PLEKHN1: variants seen among roughly 807,000 people sequenced by gnomAD.
PLEKHN1 encodes pleckstrin homology domain-containing family N member 1.
In PLEKHN1, 68 loss-of-function variants were observed where a neutral mutation model predicts 72.8. That is an observed-to-expected ratio of 0.93 (90% CI 0.77 to 1.14). The LOEUF (loss-of-function observed/expected upper bound fraction) is 1.14, where lower values mean the gene tolerates loss of function less well. Ranked by LOEUF, PLEKHN1 falls within the 50% of genes most tolerant of loss-of-function variation. The pLI, the probability that PLEKHN1 is intolerant of heterozygous loss-of-function variation, is 0.00. For missense variants in PLEKHN1, 1,015 were observed against 840.5 expected (o/e 1.21, Z -2.57); for synonymous variants, 454 against 371.6 (o/e 1.22, Z -2.55).
chr1:970,305 A>G lies in PLEKHN1; in HGVS notation c.212A>G (p.Glu71Gly). ...ATCCTGGACCTGGAGAACCAGCGAG[A>G]AAACCTGGAGCAGCCATTCCTGAGT... ...TDILDLENQR[E>G]NLEQPFLSVF... Residue 71 changes from glutamate to glycine, a missense_variant, in exon 3 of 16, where the codon GAA (glutamate) becomes GGA (glycine). Glu to Gly is a moderately conservative substitution (Grantham distance 98). Coordinates refer to ENST00000379410, the MANE Select transcript of PLEKHN1 (RefSeq NM_032129.3). The surrounding 1 kb of genome is among the most constrained non-coding windows in gnomAD (Gnocchi z 4.2). 6.2e-7 allele frequency: 1 copy of G among 1,613,314 alleles called. No homozygotes were observed. The highest frequency in any genetic ancestry group is 8.5e-7 in the Non-Finnish European group (1 of 1,179,920).
Position 974,307 on chromosome 1 carries a change from G to A in PLEKHN1, c.1654-9G>A. On this transcript the variant is annotated splice_polypyrimidine_tract_variant and intron_variant, in intron 14 of 15. Coordinates refer to ENST00000379410, the MANE Select transcript of PLEKHN1 (RefSeq NM_032129.3). ...GCCCGGCTCTCAGACTTGCGGTTTG[G>A]GGTTCCAGGTCTCCTCTGCCAGGGA... 1 of 1,612,950 alleles carries A rather than the reference G, an allele frequency of 6.2e-7. No homozygotes were observed. The highest frequency in any genetic ancestry group is 8.5e-7 in the Non-Finnish European group (1 of 1,180,004).
At chr1:972,514 C>T in intron 10 of PLEKHN1, 90 bp downstream of exon 10, 1 of 1,414,908 alleles carries the variant, frequency 7.1e-7, no homozygotes, top group Non-Finnish European at 9.3e-7. Context: ...GCCTGTAATC[C>T]CAGCATTTTA....
At position 972,092 on chromosome 1, in the gene PLEKHN1, T is replaced by G. The variant is rs1570039583; in HGVS notation, c.807T>G (p.Arg269=). 5 of 1,613,046 alleles carry G rather than the reference T, an allele frequency of 3.1e-6. No individual in the cohort carries two copies. The highest frequency in any genetic ancestry group is 4.2e-6 in the Non-Finnish European group (5 of 1,179,904). ...CTCCGCAGGGGGAGCTCCCACTCCG[T>G]GCCGTCCACATCAACCTGGAGGAGA... ...GLCFKGELPL[R]AVHINLEEKE... The change falls in exon 9 of 16, where the codon CGT becomes CGG. Residue 269 remains arginine (R), a synonymous_variant. Coordinates refer to ENST00000379410, the MANE Select transcript of PLEKHN1 (RefSeq NM_032129.3).
intron 8 of PLEKHN1, among the ~76,000 whole-genome samples, chr1:971,865 G>A (rs1332073625): frequency 6.6e-6 from 1 of 152,234 alleles, no homozygotes; most frequent in Non-Finnish European, 1.5e-5. Context: ...GGCTTTGTGT[G>A]TCTGCCCCTA....
At position 973,175 on chromosome 1, in the gene PLEKHN1, G is replaced by T. The variant is rs758993603; in HGVS notation, c.1153-11G>T. The T allele has an allele frequency of 1.3e-6, 2 of 1,507,666 alleles. No individual in the cohort carries two copies. The highest frequency in any genetic ancestry group is 1.8e-6 in the Non-Finnish European group (2 of 1,118,980). 93.4% of individuals were successfully genotyped at this position (1,507,666 alleles called of 1,614,324 possible). ...AAAGGGCTCTTCCTGGAAGGTTTGT[G>T]GTCCCCACAGGACCAGGCCAACTCT... is the stretch of plus-strand genomic sequence containing the variant. On this transcript the variant is annotated splice_polypyrimidine_tract_variant and intron_variant, in intron 11 of 15. Coordinates refer to ENST00000379410, the MANE Select transcript of PLEKHN1 (RefSeq NM_032129.3).
rs755425620 is a variant in PLEKHN1, at chr1:970,517, G to A, written c.331-4G>A. The stretch of plus-strand genomic sequence containing the variant: ...CCGCACTGACGACCCTGCTCCCCGC[G>A]CAGGATGTCAGCGACTGCTACCTGG... On this transcript the variant is annotated splice_polypyrimidine_tract_variant and splice_region_variant and intron_variant, in intron 3 of 15. Coordinates refer to ENST00000379410, the MANE Select transcript of PLEKHN1 (RefSeq NM_032129.3). This position sits in a 1 kb window ranked among gnomAD's most constrained non-coding sequence, Gnocchi z 4.2. 16 of 1,613,004 alleles carry A rather than the reference G, an allele frequency of 9.9e-6. No individual in the cohort carries two copies. Among genetic ancestry groups the A allele is most frequent in the Non-Finnish European group, 1.3e-5 (15 of 1,179,970 alleles).
chr1:966,997 C>T (rs1031235997), intron 2 of PLEKHN1, among the ~76,000 whole-genome samples, 194 bp downstream of exon 2: 4 of 152,194 alleles, frequency 2.6e-5, no homozygotes, highest in East Asian at 1.9e-4. Context: ...AGCGAAACCG[C>T]GACGCAGGAC....
At position 970,713 on chromosome 1, in the gene PLEKHN1, G is replaced by A; in HGVS notation, c.439G>A (p.Val147Ile). 1 of 1,601,004 alleles carries A rather than the reference G, an allele frequency of 6.2e-7. No homozygotes were observed. Among genetic ancestry groups the A allele is most frequent in the Non-Finnish European group, 8.5e-7 (1 of 1,172,478 alleles). Residue 147 changes from valine (V) to isoleucine (I), a missense_variant, in exon 5 of 16, where the codon GTC (valine) becomes ATC (isoleucine). Coordinates refer to ENST00000379410, the MANE Select transcript of PLEKHN1 (RefSeq NM_032129.3). This position sits in a 1 kb window ranked among gnomAD's most constrained non-coding sequence, Gnocchi z 4.2. ...GCTGTTACCGCTGACGGAGCTGAGT[G>A]TCTGCCCGCTCGAGGGGTCCCGAGA... The part of the protein sequence containing the change: ...QGLLPLTELS[V>I]CPLEGSREHA...
At chr1:971,922 ATGGGACCCAC>A (rs1643351412) in intron 8 of PLEKHN1, among the ~76,000 whole-genome samples, 143 bp from the exon 9 acceptor site, 1 of 152,176 alleles carries the variant, frequency 6.6e-6, no homozygotes, top group Non-Finnish European at 1.5e-5. Context: ...CCCAGGAGAC[ATGGGACCCAC>A]TGGCCTCCCT....
rs752312613 is a variant in PLEKHN1 at position 974,567 on chromosome 1, T to C, written c.1828T>C (p.Trp610Arg). Residue 610 changes from tryptophan (W) to arginine (R), a missense_variant, in exon 16 of 16, where the codon TGG (tryptophan) becomes CGG (arginine). Physicochemically the swap from Trp to Arg is moderately radical, Grantham distance 101. Coordinates refer to ENST00000379410, the MANE Select transcript of PLEKHN1 (RefSeq NM_032129.3). ...TGAGGCCAGTGGGGGGCTTGTGCAG[T>C]GGATCTGATGGCCGCGGTGAGGTGG... ...GPEASGGLVQWI is the reference protein window; with the variant it reads ...GPEASGGLVQRI The C allele has an allele frequency of 6.2e-7, 1 of 1,610,996 alleles. No homozygotes were observed. The highest frequency in any genetic ancestry group is 1.6e-4 in the Middle Eastern group (1 of 6,062).
At chr1:968,030 G>A (rs1040324229) in intron 2 of PLEKHN1, among the ~76,000 whole-genome samples, 2 of 152,240 alleles carry the variant, frequency 1.3e-5, no homozygotes, top group African/African-American at 4.8e-5. Context: ...AGTGCTGTGA[G>A]CTGGCTCTAC....
chr1:967,125 C>T (rs929565268), intron 2 of PLEKHN1, among the ~76,000 whole-genome samples: 13 of 152,170 alleles, frequency 8.5e-5, no homozygotes, highest in African/African-American at 2.9e-4. Context: ...GGGGTCGTGC[C>T]GGCAGGTAGT....
At chr1:971,606 A>G in intron 8 of PLEKHN1, 1 of 617,482 alleles carries the variant, frequency 1.6e-6, no homozygotes, top group East Asian at 2.7e-5. Context: ...TCTCACCCTG[A>G]GGTTCTTGAC....
chr1:971,462 G>A, intron 8 of PLEKHN1, 58 bp downstream of exon 8: 7 of 1,463,022 alleles, frequency 4.8e-6, no homozygotes, highest in Non-Finnish European at 6.6e-6. Context: ...GGGGTGGGAG[G>A]GGGCAGCCAT....
chr1:973,886 C>T lies in PLEKHN1; in HGVS notation c.1488C>T (p.Pro496=). The stretch of plus-strand genomic sequence containing the variant: ...GACCCACGCCCTCGAGCCCACTCCC[C>T]TCGGTGCCTGTGTCTGTGCCTGCCT... ...ARGPTPSSPL[P]SVPVSVPASD... Residue 496 remains proline (P), a synonymous_variant, in exon 14 of 16, where the codon CCC becomes CCT. Coordinates refer to ENST00000379410, the MANE Select transcript of PLEKHN1 (RefSeq NM_032129.3). The T allele has an allele frequency of 1.9e-6, 3 of 1,611,182 alleles. No homozygotes were observed. The highest frequency in any genetic ancestry group is 2.5e-6 in the Non-Finnish European group (3 of 1,179,914).
At chr1:968,163 C>T (rs1447465759) in intron 2 of PLEKHN1, among the ~76,000 whole-genome samples, 5 of 152,248 alleles carry the variant, frequency 3.3e-5, no homozygotes, top group African/African-American at 4.8e-5. Context: ...TCAGTTCCCA[C>T]GCTGGGTGTG....
chr1:969,820 GATGC>G (rs1643209752), intron 2 of PLEKHN1, among the ~76,000 whole-genome samples: 1 of 151,994 alleles, frequency 6.6e-6, no homozygotes, highest in Non-Finnish European at 1.5e-5. Context: ...CGCATATATG[GATGC>G]ATGCATGTTG....
In PLEKHN1 at chr1:970,174, A is replaced by G. The variant is rs117513573; in HGVS notation, c.184-103A>G. On this transcript the variant is annotated intron_variant, in intron 2 of 15. Coordinates refer to ENST00000379410, the MANE Select transcript of PLEKHN1 (RefSeq NM_032129.3). This position sits in a 1 kb window ranked among gnomAD's most constrained non-coding sequence, Gnocchi z 4.2. Reference sequence around the variant, plus strand: ...TTCTTCACATATGTGTTGTGTGGCTATGCACAGGCAGACCATGCTATAGTC... The same window carrying G: ...TTCTTCACATATGTGTTGTGTGGCTGTGCACAGGCAGACCATGCTATAGTC... 3 of 1,287,266 alleles carry G rather than the reference A, an allele frequency of 2.3e-6. No homozygotes were observed. The highest frequency in any genetic ancestry group is 2.1e-6 in the Non-Finnish European group (2 of 932,646). The allele number at this position is 1,287,266 out of a possible 1,614,324, so 79.7% of individuals were successfully genotyped here.
Position 973,452 on chromosome 1 carries a change from A to C in PLEKHN1, c.1294-48A>C, listed in dbSNP as rs769572354. ...CTCTTGCACAGAGAAGGGGTGGCCTAGGCTGTTTCTAGCCGAGAAGCCCAT... is the reference window on the plus strand; with the variant it reads ...CTCTTGCACAGAGAAGGGGTGGCCTCGGCTGTTTCTAGCCGAGAAGCCCAT... On this transcript the variant is annotated intron_variant, in intron 12 of 15. Coordinates refer to ENST00000379410, the MANE Select transcript of PLEKHN1 (RefSeq NM_032129.3). The C allele has an allele frequency of 3.1e-6, 5 of 1,602,030 alleles. No homozygotes were observed. In the Admixed American group the frequency reaches 5.0e-5, roughly 16 times the overall value.
Sources: allele counts gnomAD v4.1 joint callset (sites outside exome capture counted in the v4.1 genomes callset), GRCh38; gene constraint gnomAD v4.1.1; non-coding constraint Gnocchi (gnomAD v3.1); transcripts MANE v1.5; gene names NCBI Gene and HGNC (gene_info 2026-07-23, HGNC 2026-07-21).